The following HSF1 variants were observed in gnomAD, a reference collection of about 807,000 sequenced individuals.
HSF1 encodes the protein heat shock factor protein 1.
Under a neutral mutation model 51.7 loss-of-function variants are expected in HSF1, and 32 were observed. The ratio of observed to expected loss-of-function variants is 0.62; its 90% confidence interval spans 0.47 to 0.83. The LOEUF (loss-of-function observed/expected upper bound fraction) is 0.83, where lower values mean the gene tolerates loss of function less well. Among genes scored for constraint, HSF1 ranks in the 40% least tolerant of loss-of-function variants. HSF1 has a pLI of 0.00. For synonymous variants in HSF1, 396 were observed against 309.7 expected (o/e 1.28, Z -2.92); for missense variants, 727 against 717.0 (o/e 1.01, Z -0.16).
chr8:144,310,050 G>A (rs1036642228), intron 4 of HSF1, 154 bp downstream of exon 4: 14 of 887,954 alleles, frequency 1.6e-5, no homozygotes, highest in African/African-American at 6.8e-5. Flanking sequence ...CCCCAGCCCC[G>A]CCGCCCGTGG....
chr8:144,293,184 G>C (rs1195920177), intron 1 of HSF1, among the ~76,000 whole-genome samples: 1 of 152,216 alleles, frequency 6.6e-6, no homozygotes, highest in African/African-American at 2.4e-5. Context: ...TGCTTCTTGG[G>C]TTTACTGAGG....
chr8:144,309,982 C>G lies in HSF1; in HGVS notation c.488+86C>G. The G allele has an allele frequency of 5.4e-6, 8 of 1,491,988 alleles. No individual in the cohort carries two copies. The East Asian group carries it at 1.2e-4, about 22-fold the overall frequency. 92.4% of individuals were successfully genotyped at this position (1,491,988 alleles called of 1,614,324 possible). On this transcript the variant is annotated intron_variant, in intron 4 of 12. Transcript: ENST00000528838. ...GGTGCTGTGGGGGCAGGGCCCTGAC[C>G]GGGGCCAGGTGCTCAGCTCCACCCT...
chr8:144,314,668 A>G lies in HSF1; in HGVS notation c.*338A>G, dbSNP rs1437998727. 2 of 328,508 alleles carry G rather than the reference A, an allele frequency of 6.1e-6. No individual in the cohort carries two copies. The highest frequency in any genetic ancestry group is 4.1e-5 in the African/African-American group (2 of 48,458). The allele number at this position is 328,508 out of a possible 1,614,324, so 20.3% of individuals were successfully genotyped here. A position where few individuals can be genotyped will look rare whatever the true frequency, so the allele number is the denominator to read the frequency against. ...CAGAGATACACAGATATATACACAC[A>G]GTGGATGGACGGACAAGACAGGCAG... On this transcript the variant is annotated 3_prime_UTR_variant, in exon 13 of 13. Transcript: ENST00000528838.
chr8:144,309,750 C>T, intron 3 of HSF1, 22 bp from the exon 4 acceptor site: 1 of 1,611,354 alleles, frequency 6.2e-7, no homozygotes, highest in Non-Finnish European at 8.5e-7. Flanking sequence ...TCCAGTGACT[C>T]CTGTCCCTCT....
Position 144,313,917 on chromosome 8 carries a change from T to C in HSF1, c.1314+6T>C. On this transcript the variant is annotated splice_donor_region_variant and intron_variant, in intron 11 of 12. Transcript: ENST00000528838. ...TTGACAGCAGCCTGGCCAGTGTGCG[T>C]AGGCGGGCGGGGGGTGAGGGGGAAC... The C allele has an allele frequency of 6.2e-7, 1 of 1,609,356 alleles. No homozygotes were observed. The highest frequency in any genetic ancestry group is 8.5e-7 in the Non-Finnish European group (1 of 1,179,072).
chr8:144,291,755 G>C lies in HSF1; in HGVS notation c.-3G>C. ...CCCTCCGCCTATTCCCTCCTTGCTC[G>C]AGATGGATCTGCCCGTGGGCCCCGG... On this transcript the variant is annotated 5_prime_UTR_variant, in exon 1 of 13. Coordinates refer to ENST00000528838, the MANE Select transcript of HSF1 (RefSeq NM_005526.4). This position sits in a 1 kb window ranked among gnomAD's most constrained non-coding sequence, Gnocchi z 4.1. 1.3e-6 allele frequency: 2 copies of C among 1,499,402 alleles called. No homozygotes were observed. Among genetic ancestry groups the C allele is most frequent in the Non-Finnish European group, 1.8e-6 (2 of 1,121,740 alleles). 92.9% of individuals were successfully genotyped at this position (1,499,402 alleles called of 1,614,324 possible).
At chr8:144,312,334 G>A in intron 9 of HSF1, 90 bp downstream of exon 9, 1 of 1,033,470 alleles carries the variant, frequency 9.7e-7, no homozygotes, top group Non-Finnish European at 1.4e-6. Flanking sequence ...ACTGAGCAGG[G>A]CAGCTGGCGA....
chr8:144,312,637 C>T (rs1816760403), intron 9 of HSF1: 1 of 1,535,260 alleles, frequency 6.5e-7, no homozygotes, highest in Admixed American at 2.0e-5. Context: ...GTTTGGCTCG[C>T]ACTCCACAGA....
chr8:144,291,968 C>G lies in HSF1; in HGVS notation c.117+94C>G. ...GGAGGGCTGCGGGGAGGGGCCCTGC[C>G]GCACTTCAGCTTACGCGCGGTGAGC... On this transcript the variant is annotated intron_variant, in intron 1 of 12. Transcript: ENST00000528838. The surrounding 1 kb of genome is among the most constrained non-coding windows in gnomAD (Gnocchi z 4.1). 5.1e-6 allele frequency: 3 copies of G among 593,792 alleles called. No homozygotes were observed. Among genetic ancestry groups the G allele is most frequent in the Non-Finnish European group, 7.8e-6 (3 of 383,932 alleles). The allele number at this position is 593,792 out of a possible 1,614,324, so 36.8% of individuals were successfully genotyped here.
intron 1 of HSF1, among the ~76,000 whole-genome samples, chr8:144,302,247 G>A (rs772170718): frequency 5.9e-5 from 9 of 151,806 alleles, no homozygotes; most frequent in East Asian, 1.9e-4. Flanking sequence ...CGTGGCTCAC[G>A]CCTGTAATCC....
At chr8:144,293,086 G>A (rs1205154551) in intron 1 of HSF1, among the ~76,000 whole-genome samples, 1 of 152,234 alleles carries the variant, frequency 6.6e-6, no homozygotes, top group Non-Finnish European at 1.5e-5. Context: ...GCTCTGCTGA[G>A]TGCCTCCCAT....
intron 1 of HSF1, among the ~76,000 whole-genome samples, chr8:144,296,534 C>T (rs1554841314): frequency 1.3e-5 from 2 of 152,140 alleles, no homozygotes; most frequent in African/African-American, 4.8e-5. Context: ...CGTGGTGGCT[C>T]ACGCCTGTAA....
At chr8:144,314,076 C>T (rs781926644) in intron 12 of HSF1, 22 bp downstream of exon 12, 4 of 1,596,494 alleles carry the variant, frequency 2.5e-6, no homozygotes, top group East Asian at 4.5e-5. Context: ...CCCACCGGCC[C>T]CACCTCTGCC....
chr8:144,312,759 G>A lies in HSF1; in HGVS notation c.1142+515G>A, dbSNP rs571656260. 1.3e-4 allele frequency: 200 copies of A among 1,484,008 alleles called. 2 individuals are homozygous for A. The South Asian group carries it at 1.8e-3, about 13-fold the overall frequency. The allele number at this position is 1,484,008 out of a possible 1,614,324, so 91.9% of individuals were successfully genotyped here. A position where few individuals can be genotyped will look rare whatever the true frequency, so the allele number is the denominator to read the frequency against. The stretch of plus-strand genomic sequence containing the variant: ...AGGGAGGAGGGCTCTGCCAGCGCTC[G>A]GGCCCTCCCACACAGCCGTGGACCA... On this transcript the variant is annotated intron_variant, in intron 9 of 12. Transcript: ENST00000528838.
At chr8:144,293,806 G>A (rs992842991) in intron 1 of HSF1, among the ~76,000 whole-genome samples, 1 of 150,468 alleles carries the variant, frequency 6.6e-6, no homozygotes, top group Admixed American at 6.7e-5. Context: ...TGGGGGAGGG[G>A]CATCCGCGAT....
intron 1 of HSF1, among the ~76,000 whole-genome samples, chr8:144,292,810 A>C (rs1429913808): frequency 6.6e-6 from 1 of 152,110 alleles, no homozygotes; most frequent in African/African-American, 2.4e-5. Context: ...AAAATACAAA[A>C]AATTTGCCGG....
At chr8:144,294,753 G>A (rs1815342984) in intron 1 of HSF1, among the ~76,000 whole-genome samples, 1 of 152,078 alleles carries the variant, frequency 6.6e-6, no homozygotes, top group Non-Finnish European at 1.5e-5. Context: ...TGTGTTGTTT[G>A]ATTTCCCACC....
In HSF1 at chr8:144,314,395, G is replaced by A; in HGVS notation, c.*65G>A. ...CCAGTGCAGGGCTGGTCTTGGGGAGGCAGGGCAGCCTCGCGGTCTTGGGCA... is the reference window on the plus strand; with the variant it reads ...CCAGTGCAGGGCTGGTCTTGGGGAGACAGGGCAGCCTCGCGGTCTTGGGCA... On this transcript the variant is annotated 3_prime_UTR_variant, in exon 13 of 13. Transcript: ENST00000528838. The A allele has an allele frequency of 1.4e-6, 2 of 1,427,656 alleles. No individual in the cohort carries two copies. The highest frequency in any genetic ancestry group is 1.9e-6 in the Non-Finnish European group (2 of 1,045,388). The allele number at this position is 1,427,656 out of a possible 1,614,324, so 88.4% of individuals were successfully genotyped here. A position where few individuals can be genotyped will look rare whatever the true frequency, so the allele number is the denominator to read the frequency against.
intron 1 of HSF1, among the ~76,000 whole-genome samples, chr8:144,298,445 A>C (rs1283522875): frequency 6.7e-6 from 1 of 149,836 alleles, no homozygotes; most frequent in Non-Finnish European, 1.5e-5. Context: ...AAAAATACAA[A>C]AAAAAAAAAA....
Sources: allele counts gnomAD v4.1 joint callset (sites outside exome capture counted in the v4.1 genomes callset), GRCh38; gene constraint gnomAD v4.1.1; non-coding constraint Gnocchi (gnomAD v3.1); transcripts MANE v1.5; gene names NCBI Gene and HGNC (gene_info 2026-07-23, HGNC 2026-07-21).